Variants in PAOX observed in about 807,000 individuals in gnomAD.
PAOX encodes the protein polyamine oxidase, also known as peroxisomal N(1)-acetyl-spermine/spermidine oxidase.
In PAOX, 38 loss-of-function variants were observed where a neutral mutation model predicts 39.0. The observed-to-expected ratio is 0.97, with a 90% CI of 0.75 to 1.28. The LOEUF is 1.28. Among genes scored for constraint, PAOX ranks in the 50% most tolerant of loss-of-function variants. The pLI, the probability that PAOX is intolerant of heterozygous loss-of-function variation, is 0.00. For synonymous variants in PAOX, 311 were observed against 314.4 expected (o/e 0.99, Z 0.11); for missense variants, 667 against 685.7 (o/e 0.97, Z 0.30).
At position 133,380,090 on chromosome 10, in the gene PAOX, G is replaced by A. The variant is rs1849316363; in HGVS notation, c.273G>A (p.Gly91=). Residue 91 remains glycine (G), a synonymous_variant, in exon 2 of 7, where the codon GGG becomes GGA. Transcript: ENST00000278060. ...FQLAAEYGLL[G]EKELSQENQL... ...TGGCTGCTGAGTACGGGCTGCTGGG[G>A]GAGAAGGAGCTGTCCCAGGAGAACC... 6.4e-7 allele frequency: 1 copy of A among 1,552,082 alleles called. No individual in the cohort carries two copies. Among genetic ancestry groups the A allele is most frequent in the Non-Finnish European group, 8.7e-7 (1 of 1,149,966 alleles).
rs1300679859 is a variant in PAOX, at chr10:133,379,336, T to G, written c.20T>G (p.Val7Gly). Reference protein sequence around the residue: MESTGSVGEAPGGPRVL... With the variant: MESTGSGGEAPGGPRVL... Reference sequence around the variant, plus strand: ...CGCGCGATGGAGTCGACCGGCAGCGTCGGGGAGGCCCCGGGCGGACCCCGG... The same window carrying G: ...CGCGCGATGGAGTCGACCGGCAGCGGCGGGGAGGCCCCGGGCGGACCCCGG... Residue 7 changes from valine (V) to glycine (G), a missense_variant, in exon 1 of 7, where the codon GTC (valine) becomes GGC (glycine). Val to Gly is a moderately radical substitution (Grantham distance 109). Transcript: ENST00000278060. 9 of 1,216,886 alleles carry G rather than the reference T, an allele frequency of 7.4e-6. 1 individual carries two copies. In the African/African-American group the frequency reaches 1.4e-4, roughly 19 times the overall value. 75.4% of individuals were successfully genotyped at this position (1,216,886 alleles called of 1,614,324 possible).
intron 1 of PAOX, 93 bp from the exon 2 acceptor site, chr10:133,379,906 G>C: frequency 2.7e-6 from 4 of 1,468,554 alleles, no homozygotes; most frequent in Non-Finnish European, 3.6e-6. Context: ...CATCCTCCTT[G>C]GGAAGGCCAG....
Position 133,384,350 on chromosome 10 carries a change from A to C in PAOX, c.1121+138A>C. ...GTAGGGTTCCCATGAGCGCCCCCCCACCAGGTGCTGGCTGCACCTGGGCCT... is the reference window on the plus strand; with the variant it reads ...GTAGGGTTCCCATGAGCGCCCCCCCCCCAGGTGCTGGCTGCACCTGGGCCT... On this transcript the variant is annotated intron_variant, in intron 4 of 6. Coordinates refer to ENST00000278060, the MANE Select transcript of PAOX (RefSeq NM_152911.4). The surrounding 1 kb of genome is among the most constrained non-coding windows in gnomAD (Gnocchi z 4.3). The C allele has an allele frequency of 7.4e-7, 1 of 1,351,156 alleles. No homozygotes were observed. Among genetic ancestry groups the C allele is most frequent in the Non-Finnish European group, 1.0e-6 (1 of 994,252 alleles). The allele number at this position is 1,351,156 out of a possible 1,614,324, so 83.7% of individuals were successfully genotyped here. A position where few individuals can be genotyped will look rare whatever the true frequency, so the allele number is the denominator to read the frequency against.
At chr10:133,389,424 G>A (rs1254238638) in intron 5 of PAOX, among the ~76,000 whole-genome samples, 166 bp from the exon 6 acceptor site, 1 of 152,134 alleles carries the variant, frequency 6.6e-6, no homozygotes, top group Non-Finnish European at 1.5e-5. Context: ...CACTGCTCTC[G>A]GGTCAGAGGC....
intron 6 of PAOX, 135 bp downstream of exon 6, chr10:133,389,882 T>A: frequency 2.0e-6 from 2 of 1,015,378 alleles, no homozygotes; most frequent in Non-Finnish European, 2.7e-6. Flanking sequence ...TTTTTGAAAC[T>A]AAGAATAATT....
At chr10:133,379,965 G>C (rs766769967) in intron 1 of PAOX, 34 bp from the exon 2 acceptor site, 1 of 1,504,714 alleles carries the variant, frequency 6.6e-7, no homozygotes, top group Non-Finnish European at 8.8e-7. Context: ...TCTAGGAAAG[G>C]GACCTCCAGG....
intron 2 of PAOX, among the ~76,000 whole-genome samples, chr10:133,381,086 G>A (rs1476178053): frequency 1.3e-5 from 2 of 152,256 alleles, no homozygotes; most frequent in Non-Finnish European, 2.9e-5. Context: ...CAGGGTGGCT[G>A]CCAGGTACCA....
At chr10:133,381,990 G>GC (rs1849399307) in intron 3 of PAOX, among the ~76,000 whole-genome samples, 1 of 30,110 alleles carries the variant, frequency 3.3e-5, no homozygotes, top group African/African-American at 5.3e-5. Flanking sequence ...TGAAGGTCAG[G>GC]CCTGGGGTGA....
intron 3 of PAOX, among the ~76,000 whole-genome samples, chr10:133,383,333 T>A (rs1849445494): frequency 6.6e-6 from 1 of 152,178 alleles, no homozygotes; most frequent in South Asian, 2.1e-4. Context: ...CCAGGCACGG[T>A]GGCTCACGCC....
At chr10:133,388,482 C>T (rs1849583427) in intron 4 of PAOX, among the ~76,000 whole-genome samples, 1 of 152,226 alleles carries the variant, frequency 6.6e-6, no homozygotes, top group Non-Finnish European at 1.5e-5. Flanking sequence ...CAAAAAGCAG[C>T]ATTTTGTAAC....
chr10:133,390,699 C>T, intron 6 of PAOX: 2 of 531,862 alleles, frequency 3.8e-6, no homozygotes, highest in South Asian at 4.6e-5. Flanking sequence ...CTCATGGTCT[C>T]TCTTCAGTGA....
chr10:133,379,870 A>C (rs1849304444), intron 1 of PAOX, 129 bp from the exon 2 acceptor site: 1 of 1,250,204 alleles, frequency 8.0e-7, no homozygotes, highest in African/African-American at 1.5e-5. Flanking sequence ...CTGGGGGACC[A>C]CAGGGCCCTT....
intron 2 of PAOX, 114 bp from the exon 3 acceptor site, chr10:133,381,346 G>A: frequency 1.0e-6 from 1 of 987,552 alleles, no homozygotes; most frequent in Non-Finnish European, 1.5e-6. Context: ...CTGAGCGATG[G>A]AGAGCTCCCC....
Position 133,379,965 on chromosome 10 carries a change from G to T in PAOX, c.182-34G>T, listed in dbSNP as rs766769967. ...GCTCGGGGTGACCCTTCTAGGAAAG[G>T]GACCTCCAGGTGGCATCTGCTGTCC... is the stretch of plus-strand genomic sequence containing the variant. On this transcript the variant is annotated intron_variant, in intron 1 of 6. Coordinates refer to ENST00000278060, the MANE Select transcript of PAOX (RefSeq NM_152911.4). The T allele has an allele frequency of 6.6e-6, 10 of 1,504,714 alleles. No individual in the cohort carries two copies. The South Asian group carries it at 9.4e-5, about 14-fold the overall frequency. 93.2% of individuals were successfully genotyped at this position (1,504,714 alleles called of 1,614,324 possible).
rs147325128 is a variant in PAOX at position 133,381,577 on chromosome 10, C to G, written c.786C>G (p.Pro262=). Reference sequence around the variant, plus strand: ...GGTCCTTCCAGGAGGCAGCCTTTCCCGGGGAGACCTTTCCAGTGTCGGTAG... The same window carrying G: ...GGTCCTTCCAGGAGGCAGCCTTTCCGGGGGAGACCTTTCCAGTGTCGGTAG... ...WNGSFQEAAF[P]GETFPVSVEC... The change falls in exon 3 of 7, where the codon CCC becomes CCG. Residue 262 remains proline, a synonymous_variant. Transcript: ENST00000278060. 1 of 1,613,688 alleles carries G rather than the reference C, an allele frequency of 6.2e-7. No individual in the cohort carries two copies. The highest frequency in any genetic ancestry group is 1.3e-5 in the African/African-American group (1 of 74,922).
chr10:133,382,572 A>G (rs1304733913), intron 3 of PAOX, among the ~76,000 whole-genome samples: 1 of 152,168 alleles, frequency 6.6e-6, no homozygotes, highest in Non-Finnish European at 1.5e-5. Flanking sequence ...ACCTGAGGTC[A>G]GGAGTTCGAG....
Position 133,384,863 on chromosome 10 carries a change from C to T in PAOX, c.1121+651C>T, listed in dbSNP as rs532508384. On this transcript the variant is annotated intron_variant, in intron 4 of 6. Coordinates refer to ENST00000278060, the MANE Select transcript of PAOX (RefSeq NM_152911.4). The surrounding 1 kb of genome is among the most constrained non-coding windows in gnomAD (Gnocchi z 4.3). ...CACCAAGTTCTTGTTCTGAAAGACC[C>T]GGGATGGGGTGGGATGTAGGGCATG... Among the ~76,000 whole-genome samples, 5 of 152,240 alleles carry T rather than the reference C, an allele frequency of 3.3e-5. No individual in the cohort carries two copies. Among genetic ancestry groups the T allele is most frequent in the African/African-American group, 7.2e-5 (3 of 41,530 alleles).
chr10:133,387,881 T>C (rs765421847), intron 4 of PAOX, among the ~76,000 whole-genome samples: 12 of 152,124 alleles, frequency 7.9e-5, no homozygotes, highest in Non-Finnish European at 1.3e-4. Flanking sequence ...CCACCACGCC[T>C]GGCTAATTTT....
At position 133,379,989 on chromosome 10, in the gene PAOX, C is replaced by T. The variant is rs12775698; in HGVS notation, c.182-10C>T. On this transcript the variant is annotated splice_polypyrimidine_tract_variant and intron_variant, in intron 1 of 6. Transcript: ENST00000278060. ...GGGACCTCCAGGTGGCATCTGCTGTCCCCTCGCAGGTGGCGTGGTGGAGGT... is the reference window on the plus strand; with the variant it reads ...GGGACCTCCAGGTGGCATCTGCTGTTCCCTCGCAGGTGGCGTGGTGGAGGT... 1.3e-6 allele frequency: 2 copies of T among 1,507,678 alleles called. No individual in the cohort carries two copies. The highest frequency in any genetic ancestry group is 2.3e-5 in the East Asian group (1 of 44,022). The allele number at this position is 1,507,678 out of a possible 1,614,324, so 93.4% of individuals were successfully genotyped here.
Sources: allele counts gnomAD v4.1 joint callset (sites outside exome capture counted in the v4.1 genomes callset), GRCh38; gene constraint gnomAD v4.1.1; non-coding constraint Gnocchi (gnomAD v3.1); transcripts MANE v1.5; gene names NCBI Gene and HGNC (gene_info 2026-07-23, HGNC 2026-07-21).